The following IPPK variants were observed in gnomAD, a reference collection of about 807,000 sequenced individuals.
IPPK encodes IPK1 homolog.
IPPK carries 22 observed loss-of-function variants against 64.6 expected under a neutral mutation model. That is an observed-to-expected ratio of 0.34 (90% CI 0.24 to 0.49). The LOEUF is 0.49. Among genes scored for constraint, IPPK ranks in the 20% least tolerant of loss-of-function variants. IPPK has a pLI of 0.99. For synonymous variants in IPPK, 262 were observed against 247.2 expected (o/e 1.06, Z -0.56); for missense variants, 532 against 630.7 (o/e 0.84, Z 1.68).
At position 92,626,918 on chromosome 9, in the gene IPPK, GA is replaced by G. The variant is rs11449391; in HGVS notation, c.1171-7354del. Reference sequence around the variant, plus strand: ...GTATGAAATGTTTAAATGCTATTAAGAAAAAAAAAAAACAGAAATGAAGCCC... The same window carrying G: ...GTATGAAATGTTTAAATGCTATTAAGAAAAAAAAAAACAGAAATGAAGCCC... On this transcript the variant is annotated intron_variant, in intron 11 of 12. Transcript: ENST00000287996. Among the ~76,000 whole-genome samples, 85 of 138,676 alleles carry G rather than the reference GA, an allele frequency of 6.1e-4. 1 individual carries two copies. The highest frequency in any genetic ancestry group is 3.8e-3 in the Middle Eastern group (1 of 260). The allele number at this position is 138,676 out of a possible 152,430, so 91.0% of individuals were successfully genotyped here. A position where few individuals can be genotyped will look rare whatever the true frequency, so the allele number is the denominator to read the frequency against.
rs937244182 is a variant in IPPK at position 92,613,693 on chromosome 9, C to T, written c.*2139G>A. Reference sequence around the variant, plus strand: ...TCCTCATGCTGTTCTTGGTCTTCCACAAGAAAGTGAAGCTGTCAGCTTAAT... The same window carrying T: ...TCCTCATGCTGTTCTTGGTCTTCCATAAGAAAGTGAAGCTGTCAGCTTAAT... On this transcript the variant is annotated 3_prime_UTR_variant, in exon 13 of 13. Coordinates refer to ENST00000287996, the MANE Select transcript of IPPK (RefSeq NM_022755.6). The T allele has an allele frequency of 6.4e-6, 1 of 157,108 alleles. No homozygotes were observed. Among genetic ancestry groups the T allele is most frequent in the Non-Finnish European group, 1.4e-5 (1 of 70,722 alleles). The allele number at this position is 157,108 out of a possible 1,614,324, so 9.7% of individuals were successfully genotyped here.
chr9:92,657,332 G>C (rs144608422), intron 2 of IPPK, among the ~76,000 whole-genome samples: 2,072 of 151,998 alleles, frequency 0.014, 57 homozygotes, highest in African/African-American at 0.047. Context: ...CTGGATGACA[G>C]GGCGAGACTC....
intron 5 of IPPK, 48 bp downstream of exon 5, chr9:92,649,405 G>A: frequency 6.2e-7 from 1 of 1,611,162 alleles, no homozygotes; most frequent in South Asian, 1.1e-5. Flanking sequence ...TACTACCCAA[G>A]ACTGACCTTT....
intron 2 of IPPK, among the ~76,000 whole-genome samples, chr9:92,657,951 C>T (rs1482097819): frequency 6.6e-6 from 1 of 152,202 alleles, no homozygotes; most frequent in Non-Finnish European, 1.5e-5. Context: ...CAGCCTCCGC[C>T]TGCTCCCACA....
Position 92,661,387 on chromosome 9 carries a change from G to A in IPPK, c.82-2706C>T, listed in dbSNP as rs561181311. 1.7e-4 allele frequency among the ~76,000 whole-genome samples: 26 copies of A among 152,282 alleles called. No homozygotes were observed. In the East Asian group the frequency reaches 1.9e-3, roughly 11 times the overall value. ...CGTCTTTCTGGTGGCCAGGCTCCTCGCTGCTACTGAGTCACCAGCAGGCTC... is the reference window on the plus strand; with the variant it reads ...CGTCTTTCTGGTGGCCAGGCTCCTCACTGCTACTGAGTCACCAGCAGGCTC... On this transcript the variant is annotated intron_variant, in intron 1 of 12. Coordinates refer to ENST00000287996, the MANE Select transcript of IPPK (RefSeq NM_022755.6).
chr9:92,657,324 G>A (rs1852392117), intron 2 of IPPK, among the ~76,000 whole-genome samples: 1 of 152,014 alleles, frequency 6.6e-6, no homozygotes, highest in African/African-American at 2.4e-5. Context: ...ACTCCAGCCT[G>A]GATGACAGGG....
intron 1 of IPPK, among the ~76,000 whole-genome samples, chr9:92,664,687 G>A (rs1202704905): frequency 6.6e-6 from 1 of 152,242 alleles, no homozygotes; most frequent in African/African-American, 2.4e-5. Flanking sequence ...GAGGGCCACA[G>A]GGAACTGTGA....
chr9:92,637,956 GCCCCTGCGGCCCCCA>G, intron 9 of IPPK, 30 bp downstream of exon 9: 1 of 1,473,668 alleles, frequency 6.8e-7, no homozygotes, highest in Non-Finnish European at 9.0e-7. Context: ...GAGTCCCAAG[GCCCCTGCGGCCCCCA>G]CCGCCTACCT....
rs1481376356 is a variant in IPPK, at chr9:92,619,550, C to T, written c.1186G>A (p.Val396Ile). The stretch of plus-strand genomic sequence containing the variant: ...GAGCAGTCCTTGGCAGTCATGGCGA[C>T]GCGGTACTGCTGCACCTGCAGGGGC... ...FALTKVQQYR[V>I]AMTAKDCSIM... is the part of the protein sequence containing the mutation. The change falls in exon 12 of 13, where the codon GTC (valine) becomes ATC (isoleucine). Residue 396 changes from valine (V) to isoleucine (I), a missense_variant. By Grantham distance (29) the Val-to-Ile change is conservative (BLOSUM62 3). Coordinates refer to ENST00000287996, the MANE Select transcript of IPPK (RefSeq NM_022755.6). 9.5e-6 allele frequency: 15 copies of T among 1,585,992 alleles called. No individual in the cohort carries two copies. The highest frequency in any genetic ancestry group is 9.1e-5 in the Admixed American group (5 of 54,956).
At chr9:92,633,955 C>A (rs911579470) in intron 11 of IPPK, among the ~76,000 whole-genome samples, 1 of 152,236 alleles carries the variant, frequency 6.6e-6, no homozygotes, top group Non-Finnish European at 1.5e-5. Flanking sequence ...GAGACTCCTG[C>A]AGGCTGTCCC....
At chr9:92,627,414 T>A (rs1448604611) in intron 11 of IPPK, among the ~76,000 whole-genome samples, 1 of 152,058 alleles carries the variant, frequency 6.6e-6, no homozygotes, top group Admixed American at 6.6e-5. Flanking sequence ...AAAACGAAAC[T>A]ACACACTATC....
At chr9:92,630,339 A>G (rs1040723885) in intron 11 of IPPK, among the ~76,000 whole-genome samples, 2 of 152,258 alleles carry the variant, frequency 1.3e-5, no homozygotes, top group Non-Finnish European at 2.9e-5. Context: ...ACAAGTCTAC[A>G]GCGATAGAAA....
chr9:92,628,242 G>C (rs896154968), intron 11 of IPPK, among the ~76,000 whole-genome samples: 1 of 152,172 alleles, frequency 6.6e-6, no homozygotes, highest in African/African-American at 2.4e-5. Flanking sequence ...TAGATCAAAA[G>C]ACTTACTACC....
At chr9:92,666,197 C>T (rs1852591971) in intron 1 of IPPK, among the ~76,000 whole-genome samples, 1 of 152,088 alleles carries the variant, frequency 6.6e-6, no homozygotes, top group Non-Finnish European at 1.5e-5. Flanking sequence ...CCACCTTCTG[C>T]CCCTGCTCCC....
Position 92,658,549 on chromosome 9 carries a change from G to A in IPPK, c.129+85C>T, listed in dbSNP as rs903435922. 3.7e-6 allele frequency: 4 copies of A among 1,089,710 alleles called. No homozygotes were observed. The African/African-American group carries it at 6.3e-5, about 17-fold the overall frequency. The allele number at this position is 1,089,710 out of a possible 1,614,324, so 67.5% of individuals were successfully genotyped here. A position where few individuals can be genotyped will look rare whatever the true frequency, so the allele number is the denominator to read the frequency against. On this transcript the variant is annotated intron_variant, in intron 2 of 12. Coordinates refer to ENST00000287996, the MANE Select transcript of IPPK (RefSeq NM_022755.6). ...GTATCATCTTTGAATGCTACAACTAGCATCAATGTTTCTACATCGGAAAAA... is the reference window on the plus strand; with the variant it reads ...GTATCATCTTTGAATGCTACAACTAACATCAATGTTTCTACATCGGAAAAA...
chr9:92,639,059 AT>A (rs1188782429), intron 8 of IPPK, among the ~76,000 whole-genome samples: 4 of 152,156 alleles, frequency 2.6e-5, no homozygotes, highest in African/African-American at 4.8e-5. Flanking sequence ...AAAAATTTTA[AT>A]GTTTTTGAGA....
chr9:92,640,634 C>T (rs547666262), intron 8 of IPPK, 76 bp downstream of exon 8: 17 of 967,022 alleles, frequency 1.8e-5, no homozygotes, highest in African/African-American at 1.4e-4. Context: ...CCCAGCCCAA[C>T]ACCCTCATCT....
At position 92,656,486 on chromosome 9, in the gene IPPK, C is replaced by G; in HGVS notation, c.195G>C (p.Glu65Asp). Reference sequence around the variant, plus strand: ...AATGAACATAGTTCTCCCCCAAAAACTCCTTCATGACATTTTTCCCAAAGT... The same window carrying G: ...AATGAACATAGTTCTCCCCCAAAAAGTCCTTCATGACATTTTTCCCAAAGT... ...IVDFGKNVMK[E>D]FLGENYVHYG... Residue 65 changes from glutamate to aspartate, a missense_variant, in exon 3 of 13, where the codon GAG becomes GAC. By Grantham distance (45) the Glu-to-Asp change is conservative (BLOSUM62 2). Coordinates refer to ENST00000287996, the MANE Select transcript of IPPK (RefSeq NM_022755.6). 6.2e-7 allele frequency: 1 copy of G among 1,613,390 alleles called. No homozygotes were observed. Among genetic ancestry groups the G allele is most frequent in the Non-Finnish European group, 8.5e-7 (1 of 1,179,296 alleles).
intron 3 of IPPK, among the ~76,000 whole-genome samples, chr9:92,653,019 A>G (rs572661840): frequency 5.3e-5 from 8 of 152,288 alleles, no homozygotes; most frequent in African/African-American, 1.9e-4. Flanking sequence ...CTTAGACCAC[A>G]TGGAAGACCC....
Sources: gnomAD v4.1 joint callset for allele counts (sites outside exome capture counted in the v4.1 genomes callset) on GRCh38, gnomAD v4.1.1 for gene constraint, MANE v1.5 for transcripts, NCBI Gene and HGNC (gene_info 2026-07-23, HGNC 2026-07-21) for gene names.